The following RGL4 variants were observed in gnomAD, a reference collection of about 807,000 sequenced individuals.
The protein encoded by RGL4 is ral-GDS-related protein.
A neutral mutation model predicts 49.6 loss-of-function variants in RGL4; 41 were observed. That is an observed-to-expected ratio of 0.83 (90% CI 0.64 to 1.07). The LOEUF is 1.07. Among genes scored for constraint, RGL4 ranks in the 50% least tolerant of loss-of-function variants. The probability of loss-of-function intolerance (pLI) is 0.00; values close to 1 mark genes in which losing one functional copy is unlikely to be tolerated. For synonymous variants in RGL4, 255 were observed against 238.0 expected (o/e 1.07, Z -0.66); for missense variants, 610 against 591.9 (o/e 1.03, Z -0.32).
Position 23,694,975 on chromosome 22 carries a change from C to T in RGL4, c.1042C>T (p.Leu348Phe). Residue 348 changes from leucine (L) to phenylalanine (F), a missense_variant, in exon 6 of 11, where the codon CTC (leucine) becomes TTC (phenylalanine). Leu to Phe is a conservative substitution (Grantham distance 22, BLOSUM62 0). Coordinates refer to ENST00000290691, the MANE Select transcript of RGL4 (RefSeq NM_153615.2). ...SSKSMKELKE[L>F]CKKDTAVKRD... ...CAAAAGCATGAAAGAGCTAAAAGAA[C>T]TCTGCAAAAAAGACACTGCAGTGAA... 6.2e-7 allele frequency: 1 copy of T among 1,613,594 alleles called. No homozygotes were observed. Among genetic ancestry groups the T allele is most frequent in the Non-Finnish European group, 8.5e-7 (1 of 1,179,606 alleles).
chr22:23,692,861 AG>A lies in RGL4; in HGVS notation c.567del (p.Glu189AspfsTer16). ...GEGPPPGTVL[E>X]PQSAPESSCP... ...GGGCCCCCTCCAGGGACAGTGCTGG[AG>A]CCACAGTCAGCCCCAGAGTCCTCCT... On this transcript the variant is annotated frameshift_variant, in exon 3 of 11. Coordinates refer to ENST00000290691, the MANE Select transcript of RGL4 (RefSeq NM_153615.2). LOFTEE classifies it high-confidence loss of function. 6.2e-7 allele frequency: 1 copy of A among 1,613,616 alleles called. No homozygotes were observed. The highest frequency in any genetic ancestry group is 8.5e-7 in the Non-Finnish European group (1 of 1,179,980).
chr22:23,697,773 G>T, intron 8 of RGL4, 65 bp from the exon 9 acceptor site: 1 of 1,548,092 alleles, frequency 6.5e-7, no homozygotes. Context: ...TGCAGCATGG[G>T]AAGGGGTGGG....
intron 10 of RGL4, 132 bp downstream of exon 10, chr22:23,698,465 G>C (rs1301576506): frequency 1.8e-6 from 2 of 1,096,614 alleles, no homozygotes; most frequent in Non-Finnish European, 2.7e-6. Flanking sequence ...TGCCTTCTGG[G>C]CTCAAGTCCT....
intron 9 of RGL4, 94 bp downstream of exon 9, chr22:23,697,955 T>C: frequency 6.9e-7 from 1 of 1,445,854 alleles, no homozygotes; most frequent in African/African-American, 1.4e-5. Context: ...ATCCTCTACA[T>C]CTTAGGCTTA....
In RGL4 at chr22:23,697,161, C is replaced by T; in HGVS notation, c.1162-10C>T. 6.2e-7 allele frequency: 1 copy of T among 1,609,514 alleles called. No individual in the cohort carries two copies. The highest frequency in any genetic ancestry group is 8.5e-7 in the Non-Finnish European group (1 of 1,176,952). On this transcript the variant is annotated splice_polypyrimidine_tract_variant and intron_variant, in intron 7 of 10. Transcript: ENST00000290691. ...TACCCCTCCCACCTCCCCACCCCTC[C>T]TTGGCACAGGGTGTGGTCCCCTTCC...
intron 8 of RGL4, among the ~76,000 whole-genome samples, chr22:23,697,513 C>T (rs1441824776): frequency 6.6e-6 from 1 of 152,172 alleles, no homozygotes; most frequent in Non-Finnish European, 1.5e-5. Flanking sequence ...GAACTGGGCT[C>T]AGCTTCTCCC....
Position 23,697,182 on chromosome 22 carries a change from C to G in RGL4, c.1173C>G (p.Pro391=). ...CCTCCTTGGCACAGGGTGTGGTCCC[C>G]TTCCTGGGGGATTTTCTGACTGAGT... ...RLRRQKKGVV[P]FLGDFLTELQ... is the part of the protein sequence containing the mutation. The change falls in exon 8 of 11, where the codon CCC becomes CCG. Residue 391 remains proline (P), a synonymous_variant. Coordinates refer to ENST00000290691, the MANE Select transcript of RGL4 (RefSeq NM_153615.2). 1 of 1,613,306 alleles carries G rather than the reference C, an allele frequency of 6.2e-7. No individual in the cohort carries two copies. The highest frequency in any genetic ancestry group is 8.5e-7 in the Non-Finnish European group (1 of 1,179,508).
chr22:23,694,242 C>A, intron 4 of RGL4, 105 bp from the exon 5 acceptor site: 1 of 942,964 alleles, frequency 1.1e-6, no homozygotes, highest in Non-Finnish European at 1.7e-6. Context: ...TGAGGCTCCC[C>A]AGGCCTCTGC....
At chr22:23,697,984 C>T in intron 9 of RGL4, 123 bp downstream of exon 9, 1 of 1,295,862 alleles carries the variant, frequency 7.7e-7, no homozygotes. Context: ...GTTTGACACA[C>T]ACAGGAGGAG....
chr22:23,693,067 A>G, intron 3 of RGL4, 76 bp downstream of exon 3: 1 of 1,491,324 alleles, frequency 6.7e-7, no homozygotes, highest in Non-Finnish European at 8.9e-7. Flanking sequence ...GGAGCAGCCA[A>G]TGCCCTCGGT....
At chr22:23,694,061 T>C (rs111673476) in intron 4 of RGL4, 87 bp downstream of exon 4, 9 of 1,230,698 alleles carry the variant, frequency 7.3e-6, no homozygotes, top group Non-Finnish European at 1.2e-6. Context: ...TCGGCATCTG[T>C]ATCTCTGGCC....
rs1285295144 is a variant in RGL4 at position 23,699,036 on chromosome 22, C to T, written c.*153C>T. 1 of 1,547,424 alleles carries T rather than the reference C, an allele frequency of 6.5e-7. No homozygotes were observed. ...TCTTGCCCTGGATCCTCATCACCAA[C>T]TGCTCCTGCTGGCCAGGATCAGGCC... On this transcript the variant is annotated 3_prime_UTR_variant, in exon 11 of 11. Coordinates refer to ENST00000290691, the MANE Select transcript of RGL4 (RefSeq NM_153615.2).
At chr22:23,698,525 G>A (rs564026343) in intron 10 of RGL4, 192 bp downstream of exon 10, 84 of 737,868 alleles carry the variant, frequency 1.1e-4, no homozygotes, top group African/African-American at 9.7e-4. Flanking sequence ...CACCATGTCC[G>A]GTTGTTCTGC....
intron 4 of RGL4, 110 bp from the exon 5 acceptor site, chr22:23,694,237 C>A: frequency 1.1e-6 from 1 of 903,552 alleles, no homozygotes; most frequent in Non-Finnish European, 1.8e-6. Context: ...CCTCCTGAGG[C>A]TCCCCAGGCC....
At chr22:23,698,438 C>A in intron 10 of RGL4, 105 bp downstream of exon 10, 4 of 1,329,892 alleles carry the variant, frequency 3.0e-6, no homozygotes, top group Non-Finnish European at 3.2e-6. Context: ...GTCACCATCT[C>A]TGTTCACTGC....
At chr22:23,698,110 T>C (rs1295908617) in intron 9 of RGL4, 102 bp from the exon 10 acceptor site, 13 of 1,487,070 alleles carry the variant, frequency 8.7e-6, no homozygotes, top group East Asian at 2.3e-5. Context: ...TGGGACCCCT[T>C]CAGAAAACTG....
chr22:23,692,897 G>C lies in RGL4; in HGVS notation c.602G>C (p.Arg201Pro). The C allele has an allele frequency of 6.2e-7, 1 of 1,613,620 alleles. No individual in the cohort carries two copies. Among genetic ancestry groups the C allele is most frequent in the Non-Finnish European group, 8.5e-7 (1 of 1,180,030 alleles). ...QSAPESSCPC[R>P]GSVKNQPSEE... ...GCCCCAGAGTCCTCCTGTCCCTGTC[G>C]TGGGTCTGTAAAGAACCAACCCAGT... Residue 201 changes from arginine (R) to proline (P), a missense_variant, in exon 3 of 11, where the codon CGT becomes CCT. Transcript: ENST00000290691.
Position 23,699,089 on chromosome 22 carries a change from A to C in RGL4, c.*206A>C, listed in dbSNP as rs1411804839. The C allele has an allele frequency of 1.3e-6, 2 of 1,537,346 alleles. No homozygotes were observed. The highest frequency in any genetic ancestry group is 1.2e-5 in the South Asian group (1 of 83,180). The stretch of plus-strand genomic sequence containing the variant: ...GGGACTTTTGTGAGTCAGGCGGGAG[A>C]CCATTTTATGTTTATTTTCTTTAGT... On this transcript the variant is annotated 3_prime_UTR_variant, in exon 11 of 11. Transcript: ENST00000290691.
At chr22:23,694,112 C>T in intron 4 of RGL4, 138 bp downstream of exon 4, 1 of 833,562 alleles carries the variant, frequency 1.2e-6, no homozygotes, top group Non-Finnish European at 1.9e-6. Context: ...GCCAGAGCTT[C>T]ACTCACCTTG....
Sources: gnomAD v4.1 joint callset for allele counts (sites outside exome capture counted in the v4.1 genomes callset) on GRCh38, gnomAD v4.1.1 for gene constraint, MANE v1.5 for transcripts, NCBI Gene and HGNC (gene_info 2026-07-23, HGNC 2026-07-21) for gene names.